SCN1A: variants seen among roughly 807,000 people sequenced by gnomAD.
SCN1A encodes the protein sodium channel protein type 1 subunit alpha.
In SCN1A, 13 loss-of-function variants were observed where a neutral mutation model predicts 193.7. The ratio of observed to expected loss-of-function variants is 0.07; its 90% CI spans 0.04 to 0.11. The LOEUF (loss-of-function observed/expected upper bound fraction) is 0.11, where lower values mean the gene tolerates loss of function less well. Among genes scored for constraint, SCN1A ranks in the 10% least tolerant of loss-of-function variants. The probability of loss-of-function intolerance (pLI) is 1.00; values close to 1 mark genes in which losing one functional copy is unlikely to be tolerated. For synonymous variants in SCN1A, 781 were observed against 843.6 expected (o/e 0.93, Z 1.29); for missense variants, 1,432 against 2,451.1 (o/e 0.58, Z 8.78).
Position 165,991,099 on chromosome 2 carries a change from T to A in SCN1A, c.*146A>T. On this transcript the variant is annotated 3_prime_UTR_variant, in exon 29 of 29. Transcript: ENST00000674923. ...ACAGTTTGCTGACAAGGGGTCACTGTCTTATTGTAGGCACTGACCTTAAGG... is the reference window on the plus strand; with the variant it reads ...ACAGTTTGCTGACAAGGGGTCACTGACTTATTGTAGGCACTGACCTTAAGG... The A allele has an allele frequency of 8.6e-6, 6 of 694,462 alleles. No individual in the cohort carries two copies. Among genetic ancestry groups the A allele is most frequent in the Non-Finnish European group, 9.6e-6 (4 of 417,262 alleles). 43.0% of individuals were successfully genotyped at this position (694,462 alleles called of 1,614,324 possible).
chr2:166,116,512 TATA>T (rs1290073532), intron 2 of SCN1A, among the ~76,000 whole-genome samples: 1 of 152,158 alleles, frequency 6.6e-6, no homozygotes, highest in Admixed American at 6.5e-5. Context: ...TTATCTGCAT[TATA>T]ATAATCTCAA....
At position 166,015,746 on chromosome 2, in the gene SCN1A, T is replaced by G. The variant is rs752292690; in HGVS notation, c.3430-19A>C. On this transcript the variant is annotated intron_variant, in intron 19 of 28. Coordinates refer to ENST00000674923, the MANE Select transcript of SCN1A (RefSeq NM_001165963.4). ...TCAGTTTCTGTAAGTGAGATGGACA[T>G]AGAAAGTAAAGTCCTTTAATTTTGG... is the stretch of plus-strand genomic sequence containing the variant. The G allele has an allele frequency of 2.5e-6, 4 of 1,612,230 alleles. No homozygotes were observed. Among genetic ancestry groups the G allele is most frequent in the Non-Finnish European group, 3.4e-6 (4 of 1,178,514 alleles).
At chr2:166,131,471 A>G (rs1250137146), upstream of SCN1A, among the ~76,000 whole-genome samples, 1 of 151,970 alleles carries the variant, frequency 6.6e-6, no homozygotes, top group African/African-American at 2.4e-5. Context: ...GCCAAAACAT[A>G]AAAGGGAATA....
intron 24 of SCN1A, among the ~76,000 whole-genome samples, chr2:166,001,618 CTT>C (rs1355358845): frequency 6.6e-6 from 1 of 151,478 alleles, no homozygotes. Context: ...AATCTGGACT[CTT>C]ATTTTATTCC....
At chr2:166,100,584 A>C (rs577597795) in intron 2 of SCN1A, among the ~76,000 whole-genome samples, 150 of 150,726 alleles carry the variant, frequency 1.0e-3, no homozygotes, top group African/African-American at 3.4e-3. Context: ...CAACCTACAA[A>C]ATGGGAGAAA....
At chr2:166,114,740 ATAT>A in intron 2 of SCN1A, among the ~76,000 whole-genome samples, 1 of 152,304 alleles carries the variant, frequency 6.6e-6, no homozygotes, top group Non-Finnish European at 1.5e-5. Flanking sequence ...CTACAAGGAA[ATAT>A]TATGAAGCCA....
intron 2 of SCN1A, among the ~76,000 whole-genome samples, chr2:166,116,147 T>A (rs1689836842): frequency 6.6e-6 from 1 of 152,200 alleles, no homozygotes; most frequent in African/African-American, 2.4e-5. Context: ...TACTCCAGGA[T>A]ATAACTTACA....
At position 166,013,757 on chromosome 2, in the gene SCN1A, C is replaced by T. The variant is rs121918800; in HGVS notation, c.3692G>A (p.Ser1231Asn). 6.2e-7 allele frequency: 1 copy of T among 1,611,730 alleles called. No individual in the cohort carries two copies. The highest frequency in any genetic ancestry group is 2.2e-5 in the East Asian group (1 of 44,808). Residue 1231 changes from serine (S) to asparagine (N), a missense_variant, in exon 21 of 29, where the codon AGT becomes AAT. By Grantham distance (46) the Ser-to-Asn change is conservative. Transcript: ENST00000674923. ...AATCTCACTCACCAGAGCACCACTACTAAGGAGAATCATGAAAACAATGAA... is the reference window on the plus strand; with the variant it reads ...AATCTCACTCACCAGAGCACCACTATTAAGGAGAATCATGAAAACAATGAA... ...ETFIVFMILL[S>N]SGALAFEDIY...
intron 4 of SCN1A, among the ~76,000 whole-genome samples, chr2:166,068,574 G>A (rs11685076): frequency 0.4 from 60,610 of 151,946 alleles, 12,634 homozygotes; most frequent in East Asian, 0.71. Flanking sequence ...CTGATTTCCC[G>A]TTAATTACTT....
intron 16 of SCN1A, among the ~76,000 whole-genome samples, chr2:166,040,416 T>C (rs917076760): frequency 4.6e-5 from 7 of 152,196 alleles, no homozygotes; most frequent in African/African-American, 1.7e-4. Context: ...TTCTTTGTTA[T>C]GCACATGAAA....
rs1407224726 is a variant in SCN1A, at chr2:166,009,431, T to G, written c.4002+288A>C. The G allele has an allele frequency of 4.2e-5, 10 of 236,174 alleles. No homozygotes were observed. The East Asian group carries it at 9.5e-4, about 22-fold the overall frequency. 14.6% of individuals were successfully genotyped at this position (236,174 alleles called of 1,614,324 possible). A position where few individuals can be genotyped will look rare whatever the true frequency, so the allele number is the denominator to read the frequency against. ...ATCATTACACATAGTACTTTAATAA[T>G]GCATCAGCTTTTTTTTGTATATAGA... On this transcript the variant is annotated intron_variant, in intron 23 of 28. Coordinates refer to ENST00000674923, the MANE Select transcript of SCN1A (RefSeq NM_001165963.4).
chr2:166,036,881 A>G (rs1407304192), intron 18 of SCN1A, among the ~76,000 whole-genome samples: 1 of 152,252 alleles, frequency 6.6e-6, no homozygotes, highest in Non-Finnish European at 1.5e-5. Context: ...AATGTTTCCA[A>G]GTATGCATTT....
rs150155252 is a variant in SCN1A, at chr2:165,989,381, A to T, written c.*1864T>A. 3.3e-3 allele frequency: 499 copies of T among 152,634 alleles called. 2 individuals are homozygous for T. The highest frequency in any genetic ancestry group is 5.1e-3 in the Non-Finnish European group (345 of 68,014). The allele number at this position is 152,634 out of a possible 1,614,324, so 9.5% of individuals were successfully genotyped here. A position where few individuals can be genotyped will look rare whatever the true frequency, so the allele number is the denominator to read the frequency against. ...CTACTCTGTTTTTGTGGAAAAAAAA[A>T]TTATGAAGCCCACATTCTATTTAGA... On this transcript the variant is annotated 3_prime_UTR_variant, in exon 29 of 29. Transcript: ENST00000674923.
chr2:166,043,122 A>G (rs1697363662), intron 14 of SCN1A, among the ~76,000 whole-genome samples: 1 of 152,210 alleles, frequency 6.6e-6, no homozygotes, highest in Admixed American at 6.5e-5. Flanking sequence ...CAATTATTTT[A>G]TCTGTCTGTA....
chr2:166,014,993 G>A (rs1225714588), intron 20 of SCN1A, among the ~76,000 whole-genome samples: 1 of 151,660 alleles, frequency 6.6e-6, no homozygotes, highest in Non-Finnish European at 1.5e-5. Context: ...AGGTATACTA[G>A]GCCTATGAAA....
intron 19 of SCN1A, among the ~76,000 whole-genome samples, chr2:166,025,634 A>G (rs929708900): frequency 2.6e-5 from 4 of 152,172 alleles, no homozygotes; most frequent in East Asian, 1.9e-4. Flanking sequence ...CATTGAGATC[A>G]TCTTAGAATT....
intron 20 of SCN1A, among the ~76,000 whole-genome samples, chr2:166,014,369 T>C (rs1457909823): frequency 1.3e-5 from 2 of 151,624 alleles, no homozygotes; most frequent in Admixed American, 6.6e-5. Flanking sequence ...CTAGAAGGGC[T>C]TATGTAATTT....
intron 2 of SCN1A, among the ~76,000 whole-genome samples, chr2:166,087,792 G>GT (rs1218358102): frequency 6.6e-6 from 1 of 152,146 alleles, no homozygotes; most frequent in African/African-American, 2.4e-5. Flanking sequence ...CAAGGCACTG[G>GT]TTAGAGATGT....
intron 19 of SCN1A, among the ~76,000 whole-genome samples, chr2:166,031,819 A>G (rs1226359808): frequency 6.6e-6 from 1 of 152,146 alleles, no homozygotes; most frequent in African/African-American, 2.4e-5. Flanking sequence ...CAGTAACATT[A>G]TGCACATTTT....
Sources: gnomAD v4.1 joint callset for allele counts (sites outside exome capture counted in the v4.1 genomes callset) on GRCh38, gnomAD v4.1.1 for gene constraint, MANE v1.5 for transcripts, NCBI Gene and HGNC (gene_info 2026-07-23, HGNC 2026-07-21) for gene names.